The following AP1S3 variants were observed in gnomAD, a reference collection of about 807,000 sequenced individuals.
AP1S3 encodes the protein AP-1 complex subunit sigma-3.
AP1S3 carries 10 observed loss-of-function variants against 20.9 expected under a neutral mutation model. The ratio of observed to expected loss-of-function variants is 0.48; its 90% CI spans 0.29 to 0.81. The LOEUF (loss-of-function observed/expected upper bound fraction) is 0.81. AP1S3 is among the 30% of genes least tolerant of loss of function. The pLI, the probability that AP1S3 is intolerant of heterozygous loss-of-function variation, is 0.08. For missense variants in AP1S3, 154 were observed against 183.8 expected, an observed-to-expected ratio of 0.84 and a Z score of 0.94; for synonymous variants, 41 against 61.5, an observed-to-expected ratio of 0.67 and a Z score of 1.56.
chr2:223,789,891 A>G (rs1691172682), intron 1 of AP1S3, among the ~76,000 whole-genome samples: 1 of 152,020 alleles, frequency 6.6e-6, no homozygotes, highest in Non-Finnish European at 1.5e-5. Context: ...TAATGATATC[A>G]AGAAAGATGA....
intron 1 of AP1S3, among the ~76,000 whole-genome samples, chr2:223,820,600 C>T (rs1691963967): frequency 6.7e-6 from 1 of 149,330 alleles, no homozygotes; most frequent in African/African-American, 2.5e-5. Flanking sequence ...TTGTCCCAAG[C>T]AGCACCTATT....
intron 1 of AP1S3, among the ~76,000 whole-genome samples, chr2:223,803,783 G>A (rs2106112783): frequency 6.6e-6 from 1 of 152,030 alleles, no homozygotes; most frequent in African/African-American, 2.4e-5. Context: ...GGGAGGCTGA[G>A]GCAGGAGAAT....
chr2:223,790,101 A>G (rs1017422687), intron 1 of AP1S3, among the ~76,000 whole-genome samples: 5 of 152,284 alleles, frequency 3.3e-5, no homozygotes, highest in African/African-American at 9.6e-5. Flanking sequence ...TTTACATGCA[A>G]TGGATCAGAA....
chr2:223,780,351 A>AGTGTGTGT (rs1416516684), intron 1 of AP1S3, among the ~76,000 whole-genome samples: 95 of 62,188 alleles, frequency 1.5e-3, no homozygotes, highest in South Asian at 3.2e-3. Context: ...AGAGAGAGAG[A>AGTGTGTGT]GAGAGAGTGT....
intron 1 of AP1S3, among the ~76,000 whole-genome samples, chr2:223,789,281 C>T (rs1046633390): frequency 2.6e-5 from 4 of 151,956 alleles, no homozygotes; most frequent in African/African-American, 7.2e-5. Context: ...ACAGAGTTTC[C>T]TTTTTAAAAA....
chr2:223,774,395 T>TAAAC (rs1358589563), intron 3 of AP1S3, among the ~76,000 whole-genome samples: 6 of 150,472 alleles, frequency 4.0e-5, no homozygotes, highest in African/African-American at 7.3e-5. Context: ...AATAAATAAA[T>TAAAC]AAATAAATAA....
chr2:223,816,925 C>T (rs552258183), intron 1 of AP1S3, among the ~76,000 whole-genome samples: 4 of 152,148 alleles, frequency 2.6e-5, no homozygotes, highest in South Asian at 2.1e-4. Context: ...GTCAGGAGTT[C>T]GAAACCAGCC....
chr2:223,815,440 G>T (rs1165391689), intron 1 of AP1S3, among the ~76,000 whole-genome samples: 2 of 152,128 alleles, frequency 1.3e-5, no homozygotes, highest in Non-Finnish European at 2.9e-5. Context: ...ATTCTTTAGG[G>T]TCTGACCCAA....
chr2:223,789,274 G>A (rs1691151877), intron 1 of AP1S3, among the ~76,000 whole-genome samples: 1 of 151,972 alleles, frequency 6.6e-6, no homozygotes, highest in Non-Finnish European at 1.5e-5. Flanking sequence ...ACAAATAACA[G>A]AGTTTCCTTT....
chr2:223,774,157 G>T (rs1050253030), intron 3 of AP1S3, among the ~76,000 whole-genome samples: 1 of 152,164 alleles, frequency 6.6e-6, no homozygotes, highest in Non-Finnish European at 1.5e-5. Context: ...CCGAGGTCAG[G>T]AGTTCAAGAC....
At chr2:223,792,159 A>T (rs1208554046) in intron 1 of AP1S3, among the ~76,000 whole-genome samples, 1 of 152,222 alleles carries the variant, frequency 6.6e-6, no homozygotes, top group Admixed American at 6.5e-5. Context: ...TTTAAAATTC[A>T]TATGGAACCA....
chr2:223,781,230 A>G lies in AP1S3; in HGVS notation c.4-3361T>C, dbSNP rs111750578. Among the ~76,000 whole-genome samples the G allele has an allele frequency of 2.0e-3, 305 of 151,964 alleles. 1 individual carries two copies. Among genetic ancestry groups the G allele is most frequent in the African/African-American group, 6.7e-3 (279 of 41,446 alleles). On this transcript the variant is annotated intron_variant, in intron 1 of 4. Transcript: ENST00000396654. ...AGGTTGATTCCATGTCTTTCTATTC[A>G]CTTTCTATTGTGAATAGTGAATAGG...
chr2:223,776,284 G>T, intron 2 of AP1S3: 1 of 466,860 alleles, frequency 2.1e-6, no homozygotes, highest in Non-Finnish European at 4.1e-6. Context: ...GTATCCTTTC[G>T]CTCTTGGTAA....
chr2:223,764,124 G>A (rs761105387), intron 4 of AP1S3, among the ~76,000 whole-genome samples: 1 of 152,096 alleles, frequency 6.6e-6, no homozygotes, highest in Non-Finnish European at 1.5e-5. Flanking sequence ...TCACCACATT[G>A]GCCAGGCTGG....
intron 1 of AP1S3, among the ~76,000 whole-genome samples, chr2:223,820,197 T>C (rs1356386843): frequency 6.6e-6 from 1 of 152,188 alleles, no homozygotes; most frequent in Non-Finnish European, 1.5e-5. Context: ...AAGACATTTA[T>C]CTTGCAATTG....
At chr2:223,782,345 A>G (rs1445224455) in intron 1 of AP1S3, among the ~76,000 whole-genome samples, 1 of 152,108 alleles carries the variant, frequency 6.6e-6, no homozygotes, top group Non-Finnish European at 1.5e-5. Flanking sequence ...TTTTCCTTCC[A>G]GACAAAATAA....
At chr2:223,803,908 T>C (rs1454494902) in intron 1 of AP1S3, among the ~76,000 whole-genome samples, 2 of 149,806 alleles carry the variant, frequency 1.3e-5, no homozygotes, top group African/African-American at 2.5e-5. Context: ...TAGATGAGAG[T>C]ATCAATTCCA....
intron 1 of AP1S3, among the ~76,000 whole-genome samples, chr2:223,782,563 T>G (rs1279649734): frequency 2.6e-5 from 4 of 151,586 alleles, no homozygotes; most frequent in Admixed American, 6.6e-5. Context: ...CAAACTTATC[T>G]CAGGATCAGG....
intron 3 of AP1S3, among the ~76,000 whole-genome samples, chr2:223,772,805 T>G (rs959302707): frequency 2.6e-5 from 4 of 152,162 alleles, no homozygotes; most frequent in Non-Finnish European, 5.9e-5. Context: ...AAAGCTTTAG[T>G]ATTAATATGG....
Sources: gnomAD v4.1 joint callset for allele counts (sites outside exome capture counted in the v4.1 genomes callset) on GRCh38, gnomAD v4.1.1 for gene constraint, MANE v1.5 for transcripts, NCBI Gene and HGNC (gene_info 2026-07-23, HGNC 2026-07-21) for gene names.